The following CFI variants were observed in gnomAD, a reference collection of about 807,000 sequenced individuals.
CFI encodes C3B/C4B inactivator.
Under a neutral mutation model 78.8 loss-of-function variants are expected in CFI, and 66 were observed. The observed-to-expected ratio is 0.84, with a 90% CI of 0.69 to 1.03. The LOEUF (loss-of-function observed/expected upper bound fraction) is 1.03, where lower values mean the gene tolerates loss of function less well. Ranked by LOEUF, CFI falls within the 50% of genes least tolerant of loss-of-function variation. The pLI is 0.00. For missense variants in CFI, 706 were observed against 704.5 expected (o/e 1.00, Z -0.02); for synonymous variants, 250 against 232.6 (o/e 1.07, Z -0.68).
At chr4:109,745,695 G>C (rs368000030) in intron 11 of CFI, among the ~76,000 whole-genome samples, 2 of 151,896 alleles carry the variant, frequency 1.3e-5, no homozygotes, top group East Asian at 3.9e-4. Flanking sequence ...GGGAGGAGGG[G>C]AGTGAGAAGG....
rs916902222 is a variant in CFI at position 109,755,677 on chromosome 4, G to A, written c.904+2086C>T. On this transcript the variant is annotated intron_variant, in intron 7 of 12. Coordinates refer to ENST00000394634, the MANE Select transcript of CFI (RefSeq NM_000204.5). ...AGCAAGAAAACCCTTGACAGATGTGGGACCTGCGACCTTGGACCTCACAAC... is the reference window on the plus strand; with the variant it reads ...AGCAAGAAAACCCTTGACAGATGTGAGACCTGCGACCTTGGACCTCACAAC... 3.9e-5 allele frequency among the ~76,000 whole-genome samples: 6 copies of A among 152,176 alleles called. No individual in the cohort carries two copies. In the South Asian group the frequency reaches 8.3e-4, roughly 21 times the overall value.
At chr4:109,764,052 C>T (rs1188919276) in intron 3 of CFI, among the ~76,000 whole-genome samples, 1 of 148,414 alleles carries the variant, frequency 6.7e-6, no homozygotes, top group Non-Finnish European at 1.5e-5. Context: ...AGTATATATA[C>T]TTATATACTA....
At chr4:109,785,302 T>C (rs886964416) in intron 1 of CFI, among the ~76,000 whole-genome samples, 2 of 152,072 alleles carry the variant, frequency 1.3e-5, no homozygotes, top group African/African-American at 4.8e-5. Context: ...AAGTGAAAAA[T>C]TTTAAAAATA....
rs182902291 is a variant in CFI, at chr4:109,756,013, A to G, written c.904+1750T>C. 2.5e-3 allele frequency among the ~76,000 whole-genome samples: 383 copies of G among 151,926 alleles called. 3 individuals carry two copies. Among genetic ancestry groups the G allele is most frequent in the African/African-American group, 8.5e-3 (353 of 41,378 alleles). On this transcript the variant is annotated intron_variant, in intron 7 of 12. Transcript: ENST00000394634. ...AATGTAATGAGTTGTGAAAAGAAAAAAAGGAAATAGAGATCTACAACACAA... is the reference window on the plus strand; with the variant it reads ...AATGTAATGAGTTGTGAAAAGAAAAGAAGGAAATAGAGATCTACAACACAA...
At chr4:109,750,592 A>T (rs570359564) in intron 8 of CFI, among the ~76,000 whole-genome samples, 1 of 152,206 alleles carries the variant, frequency 6.6e-6, no homozygotes, top group Non-Finnish European at 1.5e-5. Context: ...AAAACACGGT[A>T]GAGCAAAGTT....
intron 1 of CFI, among the ~76,000 whole-genome samples, chr4:109,776,884 T>C (rs1729322311): frequency 6.6e-6 from 1 of 152,186 alleles, no homozygotes; most frequent in Admixed American, 6.5e-5. Context: ...GCTTCATAAG[T>C]GAAGGAGAAA....
chr4:109,740,340 G>C (rs910453956), downstream of CFI, among the ~76,000 whole-genome samples: 3 of 151,190 alleles, frequency 2.0e-5, no homozygotes, highest in African/African-American at 7.3e-5. Context: ...AAGAAAGAAA[G>C]AGAGAGAAAG....
chr4:109,776,116 T>G (rs1193610810), intron 1 of CFI, among the ~76,000 whole-genome samples: 2 of 152,174 alleles, frequency 1.3e-5, no homozygotes, highest in South Asian at 4.1e-4. Flanking sequence ...GGATGGAGAA[T>G]GATTTTGACA....
At chr4:109,768,334 TAA>T (rs756365540) in intron 1 of CFI, among the ~76,000 whole-genome samples, 5 of 63,174 alleles carry the variant, frequency 7.9e-5, no homozygotes, top group African/African-American at 1.9e-4. Context: ...GAAGAAATCC[TAA>T]AAAAAAAAAA....
intron 3 of CFI, among the ~76,000 whole-genome samples, chr4:109,762,922 A>G (rs900260394): frequency 1.4e-4 from 22 of 152,200 alleles, no homozygotes; most frequent in African/African-American, 5.3e-4. Context: ...GAAATAAAAT[A>G]CTGAGAGAAT....
At chr4:109,757,056 T>A (rs1324588528) in intron 7 of CFI, among the ~76,000 whole-genome samples, 1 of 151,978 alleles carries the variant, frequency 6.6e-6, no homozygotes, top group Non-Finnish European at 1.5e-5. Flanking sequence ...TTTACATGAC[T>A]CCAGCTCTGT....
chr4:109,741,425 G>T (rs1723779103), intron 12 of CFI: 1 of 856,762 alleles, frequency 1.2e-6, no homozygotes, highest in South Asian at 5.3e-5. Flanking sequence ...TGATGGGACT[G>T]CCTAGTGCTT....
chr4:109,790,194 C>G (rs982694917), intron 1 of CFI, among the ~76,000 whole-genome samples: 1 of 151,854 alleles, frequency 6.6e-6, no homozygotes, highest in Non-Finnish European at 1.5e-5. Context: ...TTTGTATCTT[C>G]TCTCTTTTTT....
chr4:109,750,229 T>C (rs995841164), intron 8 of CFI, among the ~76,000 whole-genome samples: 11 of 152,024 alleles, frequency 7.2e-5, no homozygotes, highest in Non-Finnish European at 1.5e-4. Flanking sequence ...ACTCCTGACC[T>C]AATGTGATCT....
chr4:109,759,726 C>A (rs1726788403), intron 6 of CFI, among the ~76,000 whole-genome samples: 1 of 152,048 alleles, frequency 6.6e-6, no homozygotes, highest in Admixed American at 6.6e-5. Flanking sequence ...GAAACCCTGT[C>A]TCTACTAAAA....
chr4:109,799,401 G>A (rs1472285133), intron 1 of CFI, among the ~76,000 whole-genome samples: 5 of 152,194 alleles, frequency 3.3e-5, no homozygotes, highest in Admixed American at 6.5e-5. Flanking sequence ...TTTGAATAAG[G>A]TCTTCTCTGT....
chr4:109,744,341 A>G (rs1724161085), intron 11 of CFI, among the ~76,000 whole-genome samples: 2 of 152,204 alleles, frequency 1.3e-5, no homozygotes, highest in South Asian at 2.1e-4. Flanking sequence ...AATATACTCC[A>G]GGAAAAATAT....
intron 9 of CFI, 62 bp downstream of exon 9, chr4:109,749,437 C>T: frequency 6.7e-7 from 1 of 1,501,220 alleles, no homozygotes; most frequent in Admixed American, 1.7e-5. Flanking sequence ...CCTCCTGCCC[C>T]TTTCCCCCCA....
At chr4:109,742,464 A>G (rs1427942980) in intron 12 of CFI, 27 bp downstream of exon 12, 2 of 1,394,594 alleles carry the variant, frequency 1.4e-6, no homozygotes, top group Middle Eastern at 1.8e-4. Flanking sequence ...ACATCTTGAC[A>G]TCTTGGATAA....
Sources: allele counts gnomAD v4.1 joint callset (sites outside exome capture counted in the v4.1 genomes callset), GRCh38; gene constraint gnomAD v4.1.1; transcripts MANE v1.5; gene names NCBI Gene and HGNC (gene_info 2026-07-23, HGNC 2026-07-21).